The following SRBD1 variants were observed in gnomAD, a reference collection of about 807,000 sequenced individuals.
SRBD1 encodes S1 RNA binding domain 1.
SRBD1 carries 88 observed loss-of-function variants against 115.3 expected under a neutral mutation model. The ratio of observed to expected loss-of-function variants is 0.76; its 90% CI spans 0.64 to 0.91. The LOEUF (loss-of-function observed/expected upper bound fraction) is 0.91. Ranked by LOEUF, SRBD1 falls within the 40% of genes least tolerant of loss-of-function variation. The probability of loss-of-function intolerance (pLI) is 0.00; values close to 1 mark genes in which losing one functional copy is unlikely to be tolerated. For synonymous variants in SRBD1, 509 were observed against 407.7 expected (o/e 1.25, Z -2.99); for missense variants, 1,385 against 1,177.4 (o/e 1.18, Z -2.58).
intron 14 of SRBD1, among the ~76,000 whole-genome samples, chr2:45,504,325 A>C (rs1422661924): frequency 2.0e-5 from 3 of 152,120 alleles, no homozygotes; most frequent in Non-Finnish European, 4.4e-5. Context: ...CTTTCAACAC[A>C]GTCTGGTTCC....
intron 13 of SRBD1, 99 bp downstream of exon 13, chr2:45,547,423 A>G: frequency 9.9e-7 from 1 of 1,009,420 alleles, no homozygotes; most frequent in Non-Finnish European, 1.5e-6. Context: ...TCTCTCACAA[A>G]GGCACCTCCC....
chr2:45,585,480 T>C, intron 5 of SRBD1, 128 bp downstream of exon 5: 3 of 1,000,234 alleles, frequency 3.0e-6, no homozygotes, highest in East Asian at 2.6e-5. Context: ...AAGAGGACTA[T>C]ATCCAGATTA....
At chr2:45,580,129 T>C (rs1673304526) in intron 6 of SRBD1, 116 bp from the exon 7 acceptor site, 2 of 841,806 alleles carry the variant, frequency 2.4e-6, no homozygotes, top group Non-Finnish European at 3.4e-6. Flanking sequence ...TCTCAATCTT[T>C]TCCTCTTCCT....
Position 45,399,627 on chromosome 2 carries a change from C to A in SRBD1, c.2514-6498G>T, listed in dbSNP as rs185501918. Among the ~76,000 whole-genome samples, 39 of 152,166 alleles carry A rather than the reference C, an allele frequency of 2.6e-4. No homozygotes were observed. In the East Asian group the frequency reaches 6.0e-3, roughly 23 times the overall value. On this transcript the variant is annotated intron_variant, in intron 19 of 20. Coordinates refer to ENST00000263736, the MANE Select transcript of SRBD1 (RefSeq NM_018079.5). ...ATTAGCAGGCCTACCCTTTTACTTT[C>A]GGAGATTTTCATGCAGACAGATTTA...
chr2:45,557,562 G>T (rs1453606178), intron 10 of SRBD1, among the ~76,000 whole-genome samples: 4 of 152,136 alleles, frequency 2.6e-5, no homozygotes, highest in Non-Finnish European at 4.4e-5. Flanking sequence ...CCATTCAGTT[G>T]AACTTTAGAC....
intron 16 of SRBD1, among the ~76,000 whole-genome samples, chr2:45,464,596 G>A (rs1669423425): frequency 6.6e-6 from 1 of 152,110 alleles, no homozygotes; most frequent in Non-Finnish European, 1.5e-5. Context: ...GGTTATTCTG[G>A]TCACTACCTC....
chr2:45,393,245 CTT>C lies in SRBD1; in HGVS notation c.2514-118_2514-117del. 5 of 1,041,482 alleles carry C rather than the reference CTT, an allele frequency of 4.8e-6. No individual in the cohort carries two copies. In the East Asian group the frequency reaches 8.4e-5, roughly 17 times the overall value. 64.5% of individuals were successfully genotyped at this position (1,041,482 alleles called of 1,614,324 possible). ...TAGACCCATAGGTCAATCAATCAGT[CTT>C]TATTGAGAATCTATTATGTGTCCTG... On this transcript the variant is annotated intron_variant, in intron 19 of 20. Coordinates refer to ENST00000263736, the MANE Select transcript of SRBD1 (RefSeq NM_018079.5).
Position 45,428,338 on chromosome 2 carries a change from C to G in SRBD1, c.2050-8444G>C, listed in dbSNP as rs181779520. On this transcript the variant is annotated intron_variant, in intron 16 of 20. Transcript: ENST00000263736. ...GGCCGAGGCGGGCGGATCACGAGGT[C>G]AGGAGATCCAGACCACCCTGGCTAA... Among the ~76,000 whole-genome samples, 387 of 152,174 alleles carry G rather than the reference C, an allele frequency of 2.5e-3. 1 individual carries two copies. The highest frequency in any genetic ancestry group is 4.6e-3 in the Non-Finnish European group (315 of 68,002).
intron 14 of SRBD1, among the ~76,000 whole-genome samples, chr2:45,519,872 T>C (rs1023185395): frequency 5.3e-5 from 8 of 152,156 alleles, no homozygotes; most frequent in Non-Finnish European, 1.0e-4. Flanking sequence ...TTACTATTTA[T>C]TATTATTCCC....
chr2:45,599,409 A>G (rs768539539), intron 4 of SRBD1, 40 bp downstream of exon 4: 1 of 1,580,690 alleles, frequency 6.3e-7, no homozygotes, highest in Admixed American at 1.8e-5. Flanking sequence ...AAAAGAAAGC[A>G]CTCAAAACAA....
intron 16 of SRBD1, among the ~76,000 whole-genome samples, chr2:45,453,435 G>A (rs1321840597): frequency 6.6e-6 from 1 of 151,600 alleles, no homozygotes; most frequent in African/African-American, 2.4e-5. Flanking sequence ...CCACATTATA[G>A]TATACAGAAA....
chr2:45,470,845 G>C (rs1024489836), intron 16 of SRBD1, among the ~76,000 whole-genome samples: 7 of 152,162 alleles, frequency 4.6e-5, no homozygotes, highest in Non-Finnish European at 8.8e-5. Context: ...TGACAGGCAT[G>C]TGTTTTTAAA....
rs778404862 is a variant in SRBD1, at chr2:45,572,558, AG to A, written c.1305+648del. Reference sequence around the variant, plus strand: ...AGACCTGCCTTACATGAAATATTACAGGAAGTGCTTCAGACTGGAATGAAAG... The same window carrying A: ...AGACCTGCCTTACATGAAATATTACAGAAGTGCTTCAGACTGGAATGAAAG... On this transcript the variant is annotated intron_variant, in intron 9 of 20. Transcript: ENST00000263736. 2.4e-4 allele frequency among the ~76,000 whole-genome samples: 36 copies of A among 152,254 alleles called. No homozygotes were observed. In the East Asian group the frequency reaches 4.0e-3, roughly 17 times the overall value.
At chr2:45,549,696 CAAA>C (rs10646755) in intron 12 of SRBD1, among the ~76,000 whole-genome samples, 3 of 84,744 alleles carry the variant, frequency 3.5e-5, no homozygotes, top group African/African-American at 8.8e-5. Flanking sequence ...ACTAAAAATA[CAAA>C]AAAAAAAAAA....
At chr2:45,399,034 A>G (rs1342893120) in intron 19 of SRBD1, among the ~76,000 whole-genome samples, 2 of 152,122 alleles carry the variant, frequency 1.3e-5, no homozygotes, top group African/African-American at 2.4e-5. Flanking sequence ...GTCTTCTCAC[A>G]TTTTGAAAAA....
intron 14 of SRBD1, among the ~76,000 whole-genome samples, chr2:45,513,458 T>C (rs375153164): frequency 2.6e-5 from 4 of 151,562 alleles, no homozygotes; most frequent in African/African-American, 9.7e-5. Context: ...ATAAAATACT[T>C]CGTTTCAGCC....
intron 2 of SRBD1, among the ~76,000 whole-genome samples, chr2:45,602,658 T>C (rs768943401): frequency 1.3e-5 from 2 of 152,176 alleles, no homozygotes; most frequent in Non-Finnish European, 2.9e-5. Context: ...GGTGCGACTA[T>C]AGTACTTTTC....
At chr2:45,390,587 A>G (rs1293354549) in intron 20 of SRBD1, among the ~76,000 whole-genome samples, 1 of 152,124 alleles carries the variant, frequency 6.6e-6, no homozygotes, top group Non-Finnish European at 1.5e-5. Context: ...GTTGACTCTA[A>G]TAACAAAGAA....
At chr2:45,403,208 G>C (rs1667337482) in intron 19 of SRBD1, among the ~76,000 whole-genome samples, 1 of 152,162 alleles carries the variant, frequency 6.6e-6, no homozygotes, top group African/African-American at 2.4e-5. Context: ...CAATCCACAA[G>C]AGATTCTGGA....
Sources: allele counts gnomAD v4.1 joint callset (sites outside exome capture counted in the v4.1 genomes callset), GRCh38; gene constraint gnomAD v4.1.1; transcripts MANE v1.5; gene names NCBI Gene and HGNC (gene_info 2026-07-23, HGNC 2026-07-21).